The following PEBP4 variants were observed in gnomAD, a reference collection of about 807,000 sequenced individuals.
PEBP4 encodes phosphatidylethanolamine-binding protein 4.
PEBP4 carries 22 observed loss-of-function variants against 23.9 expected under a neutral mutation model. The observed-to-expected ratio is 0.92, with a 90% CI of 0.66 to 1.31. PEBP4 has a LOEUF of 1.31. Among genes scored for constraint, PEBP4 ranks in the 40% most tolerant of loss-of-function variants. The probability of loss-of-function intolerance (pLI) is 0.00; values close to 1 mark genes in which losing one functional copy is unlikely to be tolerated. For missense variants in PEBP4, 324 were observed against 281.7 expected (o/e 1.15, Z -1.07); for synonymous variants, 112 against 99.3 (o/e 1.13, Z -0.76).
intron 2 of PEBP4, chr8:22,925,025 T>G: frequency 1.0e-6 from 1 of 985,276 alleles, no homozygotes; most frequent in South Asian, 4.7e-5. Context: ...CTTGCCAAGG[T>G]CAGAGCCTGA....
At chr8:22,795,153 ATATATATATATTTTTTTTTTTTTTTTT>A (rs1333643718) in intron 4 of PEBP4, among the ~76,000 whole-genome samples, 1 of 32,512 alleles carries the variant, frequency 3.1e-5, no homozygotes, top group Non-Finnish European at 5.7e-5. Context: ...GTATATATAT[ATATATATATATTTTTTTTTTTTTTTTT>A]TTTTTTTTTT....
chr8:22,895,488 T>G (rs1808571087), intron 3 of PEBP4: 1 of 152,250 alleles, frequency 6.6e-6, no homozygotes, highest in Non-Finnish European at 1.5e-5. Context: ...TCTTTGGTTT[T>G]TAGCAGTTTG....
intron 3 of PEBP4, chr8:22,879,274 A>G (rs1350376902): frequency 6.6e-6 from 1 of 152,186 alleles, no homozygotes; most frequent in Non-Finnish European, 1.5e-5. Context: ...CTGCTTCTGG[A>G]CTGCCTATCC....
chr8:22,764,561 A>G (rs1805572360), intron 4 of PEBP4, among the ~76,000 whole-genome samples: 1 of 152,118 alleles, frequency 6.6e-6, no homozygotes, highest in African/African-American at 2.4e-5. Context: ...GTATATATAT[A>G]TTATAATAGT....
intron 3 of PEBP4, among the ~76,000 whole-genome samples, chr8:22,844,749 G>A (rs978897140): frequency 3.9e-5 from 6 of 152,288 alleles, no homozygotes; most frequent in East Asian, 1.9e-4. Context: ...CCCACTGGCC[G>A]GGTTACTGCT....
intron 3 of PEBP4, among the ~76,000 whole-genome samples, chr8:22,847,999 A>C (rs1807473878): frequency 6.6e-6 from 1 of 151,952 alleles, no homozygotes; most frequent in Non-Finnish European, 1.5e-5. Context: ...CAAGGCTTTT[A>C]ATTTTTTTTT....
intron 4 of PEBP4, 98 bp downstream of exon 4, chr8:22,817,539 G>C: frequency 1.7e-6 from 2 of 1,164,664 alleles, no homozygotes; most frequent in East Asian, 4.7e-5. Context: ...AGAAGTCCTC[G>C]CTCCAACCTT....
chr8:22,863,276 C>T (rs1807818950), intron 3 of PEBP4, among the ~76,000 whole-genome samples: 1 of 152,116 alleles, frequency 6.6e-6, no homozygotes, highest in South Asian at 2.1e-4. Flanking sequence ...CCTCATGCTC[C>T]CTTCCTCTCT....
intron 3 of PEBP4, among the ~76,000 whole-genome samples, chr8:22,873,751 C>T (rs1468854206): frequency 6.6e-6 from 1 of 152,132 alleles, no homozygotes; most frequent in African/African-American, 2.4e-5. Flanking sequence ...TTTAACATAC[C>T]GATACTCATT....
At chr8:22,914,569 C>T (rs888937278) in intron 3 of PEBP4, among the ~76,000 whole-genome samples, 1 of 152,194 alleles carries the variant, frequency 6.6e-6, no homozygotes, top group African/African-American at 2.4e-5. Flanking sequence ...GCAGTGCGTG[C>T]GTTTCCTGTG....
chr8:22,882,094 G>A (rs1219163117), intron 3 of PEBP4, among the ~76,000 whole-genome samples: 1 of 152,158 alleles, frequency 6.6e-6, no homozygotes, highest in Non-Finnish European at 1.5e-5. Context: ...GAACCCCCCA[G>A]CCCTCCATCT....
intron 3 of PEBP4, among the ~76,000 whole-genome samples, chr8:22,866,185 T>C (rs1010141877): frequency 6.6e-6 from 1 of 152,190 alleles, no homozygotes; most frequent in African/African-American, 2.4e-5. Flanking sequence ...AATGAAGAAA[T>C]GGGAGACTAA....
chr8:22,802,699 G>A (rs1399138765), intron 4 of PEBP4, among the ~76,000 whole-genome samples: 1 of 152,196 alleles, frequency 6.6e-6, no homozygotes, highest in Non-Finnish European at 1.5e-5. Flanking sequence ...GTTCCAAGAC[G>A]CTTTGTTACT....
At chr8:22,896,998 G>GTT (rs1246412448) in intron 3 of PEBP4, among the ~76,000 whole-genome samples, 1 of 151,072 alleles carries the variant, frequency 6.6e-6, no homozygotes, top group African/African-American at 2.4e-5. Flanking sequence ...ATATTTGCGT[G>GTT]TTATATATAT....
intron 3 of PEBP4, among the ~76,000 whole-genome samples, chr8:22,904,155 G>C (rs997733219): frequency 2.6e-5 from 4 of 152,180 alleles, no homozygotes; most frequent in African/African-American, 9.7e-5. Context: ...ACCTTGCTTA[G>C]AGAAGCAGCA....
Position 22,734,804 on chromosome 8 carries a change from G to C in PEBP4, c.358-7584C>G, listed in dbSNP as rs780198032. On this transcript the variant is annotated intron_variant, in intron 4 of 6. Transcript: ENST00000256404. ...AAGGGCAGCTTAAGCTGAGAAAGCTGTCTAAGCCACGTATCAATGTGCGGT... is the reference window on the plus strand; with the variant it reads ...AAGGGCAGCTTAAGCTGAGAAAGCTCTCTAAGCCACGTATCAATGTGCGGT... Among the ~76,000 whole-genome samples the C allele has an allele frequency of 3.3e-5, 5 of 152,296 alleles. 1 individual carries two copies. The highest frequency in any genetic ancestry group is 3.3e-4 in the Admixed American group (5 of 15,300).
intron 3 of PEBP4, among the ~76,000 whole-genome samples, chr8:22,853,938 T>TAAA (rs1323426377): frequency 4.6e-5 from 7 of 152,238 alleles, no homozygotes; most frequent in Non-Finnish European, 1.0e-4. Flanking sequence ...TGGCCACAGA[T>TAAA]CCTAGTTAGC....
intron 3 of PEBP4, among the ~76,000 whole-genome samples, chr8:22,837,084 C>T (rs1242025245): frequency 6.6e-6 from 1 of 152,184 alleles, no homozygotes; most frequent in African/African-American, 2.4e-5. Context: ...TTCGACTCTT[C>T]CCTCTCAAAG....
intron 4 of PEBP4, chr8:22,758,049 T>C (rs1805428655): frequency 1.3e-5 from 2 of 152,242 alleles, no homozygotes; most frequent in Non-Finnish European, 2.9e-5. Context: ...CTTTTCCATT[T>C]TTCATTCAAA....
Sources: allele counts gnomAD v4.1 joint callset (sites outside exome capture counted in the v4.1 genomes callset), GRCh38; gene constraint gnomAD v4.1.1; transcripts MANE v1.5; gene names NCBI Gene and HGNC (gene_info 2026-07-23, HGNC 2026-07-21).